Variants in IRAG2 observed in about 807,000 individuals in gnomAD.
IRAG2 encodes the protein lymphoid restricted membrane protein.
IRAG2 carries 45 observed loss-of-function variants against 69.9 expected under a neutral mutation model. The ratio of observed to expected loss-of-function variants is 0.64; its 90% CI spans 0.51 to 0.83. The LOEUF (loss-of-function observed/expected upper bound fraction) is 0.83, where lower values mean the gene tolerates loss of function less well. Among genes scored for constraint, IRAG2 ranks in the 40% least tolerant of loss-of-function variants. The pLI is 0.00. For missense variants in IRAG2, 520 were observed against 587.0 expected, an observed-to-expected ratio of 0.89 and a Z score of 1.18; for synonymous variants, 193 against 202.4, an observed-to-expected ratio of 0.95 and a Z score of 0.40.
At chr12:25,095,728 A>G (rs1179965398) in intron 14 of IRAG2, among the ~76,000 whole-genome samples, 3 of 152,170 alleles carry the variant, frequency 2.0e-5, no homozygotes, top group Non-Finnish European at 4.4e-5. Context: ...AATTCTTTAA[A>G]TGGTAGAATT....
intron 15 of IRAG2, 125 bp downstream of exon 15, chr12:25,097,169 C>T (rs1418817267): frequency 2.1e-5 from 17 of 802,532 alleles, no homozygotes; most frequent in East Asian, 8.8e-5. Flanking sequence ...AAGACATATG[C>T]GTTTAATACA....
At chr12:25,007,941 T>A (rs895693980) in intron 2 of IRAG2, among the ~76,000 whole-genome samples, 1 of 152,190 alleles carries the variant, frequency 6.6e-6, no homozygotes, top group African/African-American at 2.4e-5. Flanking sequence ...GTTTGAGGGT[T>A]TTTATTTTAT....
chr12:25,017,277 G>A (rs1052311222), exon 6 of IRAG2: 21 of 1,232,010 alleles, frequency 1.7e-5, no homozygotes, highest in East Asian at 9.5e-5. Flanking sequence ...ACCGAATTGC[G>A]CCTTCAGGTA....
chr12:25,035,415 T>G (rs1479142637), intron 13 of IRAG2: 1 of 337,344 alleles, frequency 3.0e-6, no homozygotes, highest in Middle Eastern at 7.7e-4. Flanking sequence ...ATCATCAGCA[T>G]GTAAATGTCA....
upstream of IRAG2, among the ~76,000 whole-genome samples, chr12:25,051,224 G>C (rs1235314168): frequency 4.6e-5 from 7 of 152,320 alleles, no homozygotes; most frequent in Admixed American, 4.6e-4. Flanking sequence ...GGTGATGTAG[G>C]CAGTTTTTAT....
intron 14 of IRAG2, among the ~76,000 whole-genome samples, chr12:25,091,509 G>T (rs1240613660): frequency 2.0e-5 from 3 of 152,088 alleles, no homozygotes. Context: ...TGGGCATTTG[G>T]GTTGCATCCA....
At chr12:25,017,648 G>A (rs1591925971) in intron 6 of IRAG2, among the ~76,000 whole-genome samples, 1 of 151,724 alleles carries the variant, frequency 6.6e-6, no homozygotes, top group African/African-American at 2.4e-5. Flanking sequence ...AATCTGGGAG[G>A]CAGAAGTTGC....
At chr12:25,075,202 G>A (rs1392412572) in intron 6 of IRAG2, among the ~76,000 whole-genome samples, 1 of 152,084 alleles carries the variant, frequency 6.6e-6, no homozygotes, top group African/African-American at 2.4e-5. Flanking sequence ...CCTCTTTTTG[G>A]AACATTTAAA....
chr12:25,105,793 G>A (rs562462508), intron 20 of IRAG2, among the ~76,000 whole-genome samples: 225 of 152,154 alleles, frequency 1.5e-3, no homozygotes, highest in African/African-American at 5.2e-3. Context: ...TGGCTTTTGG[G>A]TCTTGTTTTC....
chr12:25,078,141 A>G (rs1946952166), intron 6 of IRAG2, among the ~76,000 whole-genome samples: 1 of 152,218 alleles, frequency 6.6e-6, no homozygotes, highest in East Asian at 1.9e-4. Flanking sequence ...ATTACCTGTA[A>G]TAAGTAAATC....
Position 25,103,898 on chromosome 12 carries a change from T to C in IRAG2, c.995T>C (p.Met332Thr), listed in dbSNP as rs902481058. 1.2e-6 allele frequency: 2 copies of C among 1,612,746 alleles called. No individual in the cohort carries two copies. Among genetic ancestry groups the C allele is most frequent in the South Asian group, 1.1e-5 (1 of 91,046 alleles). Residue 332 changes from methionine (M) to threonine (T), a missense_variant and splice_region_variant, in exon 18 of 22, where the codon ATG (methionine) becomes ACG (threonine). Physicochemically the swap from Met to Thr is moderately conservative, Grantham distance 81 (BLOSUM62 -1). Transcript: ENST00000556887. ...CCCAGAAATATTGGAAATGCAGGAA[T>C]GGTAAGACAATTCCTAAGTGTTCTT... Reference protein sequence around the residue: ...SLPRNIGNAGMVAGMENNDRF... With the variant: ...SLPRNIGNAGTVAGMENNDRF...
At chr12:25,089,701 G>A (rs1332387446) in intron 12 of IRAG2, 24 bp downstream of exon 12, 1 of 1,608,734 alleles carries the variant, frequency 6.2e-7, no homozygotes, top group Non-Finnish European at 8.5e-7. Context: ...CATGTAGCAT[G>A]TTAACATGTT....
chr12:25,100,455 T>C (rs1005063738), intron 15 of IRAG2, among the ~76,000 whole-genome samples: 7 of 152,216 alleles, frequency 4.6e-5, no homozygotes, highest in Non-Finnish European at 5.9e-5. Flanking sequence ...CATAGGACTA[T>C]GAACATTCCA....
At chr12:25,025,053 A>G (rs899246112) in intron 8 of IRAG2, among the ~76,000 whole-genome samples, 3 of 152,198 alleles carry the variant, frequency 2.0e-5, no homozygotes, top group Non-Finnish European at 2.9e-5. Flanking sequence ...GTAGTGATTC[A>G]CTTTTATTCA....
At chr12:25,024,021 C>A in intron 8 of IRAG2, 1 of 568,778 alleles carries the variant, frequency 1.8e-6, no homozygotes. Flanking sequence ...AATATAGCCT[C>A]CTATAGGCCA....
At chr12:25,070,966 T>G (rs943595043) in intron 6 of IRAG2, among the ~76,000 whole-genome samples, 3 of 152,232 alleles carry the variant, frequency 2.0e-5, no homozygotes, top group Non-Finnish European at 4.4e-5. Flanking sequence ...TTGCTCATTT[T>G]AAAGATGGGA....
chr12:25,053,225 A>G (rs556155548), intron 1 of IRAG2, among the ~76,000 whole-genome samples: 2 of 150,968 alleles, frequency 1.3e-5, no homozygotes, highest in African/African-American at 4.9e-5. Context: ...AATTAATTAA[A>G]ACTTCTCAAA....
the IRAG2 span, among the ~76,000 whole-genome samples, chr12:24,997,813 A>C: frequency 1.0e-3 from 158 of 152,330 alleles, 4 homozygotes; most frequent in South Asian, 0.032. Context: ...AACAGAGTTC[A>C]TTGAAAACTT....
intron 17 of IRAG2, 67 bp from the exon 18 acceptor site, chr12:25,103,770 A>C (rs1948881501): frequency 9.1e-7 from 1 of 1,099,334 alleles, no homozygotes; most frequent in African/African-American, 1.5e-5. Context: ...AAGGATATTT[A>C]TTGGTGTTGC....
Sources: allele counts gnomAD v4.1 joint callset (sites outside exome capture counted in the v4.1 genomes callset), GRCh38; gene constraint gnomAD v4.1.1; transcripts MANE v1.5; gene names NCBI Gene and HGNC (gene_info 2026-07-23, HGNC 2026-07-21).